The following CTNNA3 variants were observed in gnomAD, a reference collection of about 807,000 sequenced individuals.
The protein encoded by CTNNA3 is catenin alpha 3.
Under a neutral mutation model 95.7 loss-of-function variants are expected in CTNNA3, and 76 were observed. That is an observed-to-expected ratio of 0.79 (90% CI 0.66 to 0.96). The LOEUF (loss-of-function observed/expected upper bound fraction) is 0.96, where lower values mean the gene tolerates loss of function less well. Among genes scored for constraint, CTNNA3 ranks in the 40% least tolerant of loss-of-function variants. CTNNA3 has a pLI of 0.00. For synonymous variants in CTNNA3, 431 were observed against 374.4 expected (o/e 1.15, Z -1.74); for missense variants, 1,191 against 1,089.8 (o/e 1.09, Z -1.31).
intron 11 of CTNNA3, among the ~76,000 whole-genome samples, chr10:66,490,038 G>A (rs990037614): frequency 1.3e-5 from 2 of 152,228 alleles, no homozygotes; most frequent in South Asian, 2.1e-4. Flanking sequence ...AGTTTCTATC[G>A]AGTGGGAATT....
At chr10:66,652,295 A>C (rs1450798426) in intron 9 of CTNNA3, among the ~76,000 whole-genome samples, 13 of 152,128 alleles carry the variant, frequency 8.5e-5, no homozygotes, top group Non-Finnish European at 1.9e-4. Context: ...AAATAACATT[A>C]TGAATGAAGG....
chr10:67,225,274 G>A lies in CTNNA3; in HGVS notation c.580-5404C>T, dbSNP rs117426031. On this transcript the variant is annotated intron_variant, in intron 5 of 17. Transcript: ENST00000433211. ...CGCCTAGCTCTGTCCCTATTTGATG[G>A]TCCTTCCCTATCCACCCTGGTAGCT... Among the ~76,000 whole-genome samples the A allele has an allele frequency of 1.9e-3, 293 of 152,256 alleles. 1 individual carries two copies. Among genetic ancestry groups the A allele is most frequent in the Non-Finnish European group, 3.4e-3 (231 of 68,020 alleles).
chr10:66,224,293 AC>A (rs2089141306), intron 13 of CTNNA3, among the ~76,000 whole-genome samples: 1 of 152,178 alleles, frequency 6.6e-6, no homozygotes. Flanking sequence ...GAGAACTCTG[AC>A]TAATACAAGT....
intron 7 of CTNNA3, among the ~76,000 whole-genome samples, chr10:66,950,498 A>C (rs1848486810): frequency 6.6e-6 from 1 of 152,102 alleles, no homozygotes; most frequent in Admixed American, 6.6e-5. Context: ...TAGTATATTA[A>C]ACAAAAGATC....
chr10:66,650,283 T>C (rs1315858931), intron 9 of CTNNA3, among the ~76,000 whole-genome samples: 1 of 152,158 alleles, frequency 6.6e-6, no homozygotes, highest in East Asian at 1.9e-4. Context: ...AAAACAAGTC[T>C]TAACAAATTT....
At chr10:67,024,598 A>G (rs1157937379) in intron 7 of CTNNA3, among the ~76,000 whole-genome samples, 2 of 152,192 alleles carry the variant, frequency 1.3e-5, no homozygotes, top group Non-Finnish European at 2.9e-5. Flanking sequence ...TCATTTTCCT[A>G]ACTTTGAAAG....
At chr10:66,353,453 A>G (rs975429524) in intron 12 of CTNNA3, among the ~76,000 whole-genome samples, 2 of 152,178 alleles carry the variant, frequency 1.3e-5, no homozygotes, top group African/African-American at 4.8e-5. Flanking sequence ...GTTGGTATGC[A>G]CAAAAATAAA....
At chr10:66,248,168 T>A (rs1010389680) in intron 13 of CTNNA3, among the ~76,000 whole-genome samples, 1 of 152,092 alleles carries the variant, frequency 6.6e-6, no homozygotes, top group African/African-American at 2.4e-5. Flanking sequence ...CAACTTTAAG[T>A]TGTCATTAGT....
rs77163345 is a variant in CTNNA3 at position 66,419,489 on chromosome 10, C to T, written c.1532-40137G>A. On this transcript the variant is annotated intron_variant, in intron 11 of 17. Transcript: ENST00000433211. ...CCATAAACAACCTAAAGACTCAATG[C>T]AATCCCTATGAAGACACTAATGCCA... 6.5e-4 allele frequency among the ~76,000 whole-genome samples: 99 copies of T among 152,170 alleles called. 1 individual carries two copies. The East Asian group carries it at 0.018, about 28-fold the overall frequency.
At chr10:66,795,911 G>T (rs1051798490) in intron 7 of CTNNA3, among the ~76,000 whole-genome samples, 2 of 152,106 alleles carry the variant, frequency 1.3e-5, no homozygotes, top group Non-Finnish European at 2.9e-5. Context: ...TTCTTCCGCA[G>T]CATCCTCACA....
intron 7 of CTNNA3, among the ~76,000 whole-genome samples, chr10:67,131,365 G>A (rs1157227349): frequency 6.6e-6 from 1 of 151,940 alleles, no homozygotes; most frequent in Non-Finnish European, 1.5e-5. Flanking sequence ...GGATTGTTTT[G>A]GTTATCAAGC....
At chr10:67,237,307 C>T (rs1456405016) in intron 5 of CTNNA3, among the ~76,000 whole-genome samples, 3 of 150,952 alleles carry the variant, frequency 2.0e-5, no homozygotes, top group Admixed American at 6.6e-5. Context: ...CATGTGTTCT[C>T]ACTGATATGT....
intron 12 of CTNNA3, among the ~76,000 whole-genome samples, chr10:66,366,867 G>T (rs1274926694): frequency 6.6e-6 from 1 of 152,134 alleles, no homozygotes; most frequent in African/African-American, 2.4e-5. Flanking sequence ...ATCTTTGTGT[G>T]TGTGTGTTCT....
chr10:65,917,751 G>T lies in CTNNA3; in HGVS notation c.*2579C>A, dbSNP rs1350604527. On this transcript the variant is annotated 3_prime_UTR_variant, in exon 18 of 18. Transcript: ENST00000433211. Reference sequence around the variant, plus strand: ...TATCACTCTCATTAAGAAATTTCTGGCAATCCTCTGCAGAAGAAATACCTA... The same window carrying T: ...TATCACTCTCATTAAGAAATTTCTGTCAATCCTCTGCAGAAGAAATACCTA... 6.6e-6 allele frequency: 1 copy of T among 152,072 alleles called. No homozygotes were observed. The highest frequency in any genetic ancestry group is 2.4e-5 in the African/African-American group (1 of 41,390). The allele number at this position is 152,072 out of a possible 1,614,324, so 9.4% of individuals were successfully genotyped here.
intron 13 of CTNNA3, among the ~76,000 whole-genome samples, chr10:66,173,494 G>A (rs115028716): frequency 0.01 from 1,523 of 152,060 alleles, 33 homozygotes; most frequent in African/African-American, 0.035. Context: ...AGACCAGCCT[G>A]GGCAAGATAA....
chr10:66,641,546 T>C (rs1845517142), intron 9 of CTNNA3, among the ~76,000 whole-genome samples: 1 of 152,194 alleles, frequency 6.6e-6, no homozygotes, highest in African/African-American at 2.4e-5. Context: ...AACAGCTGTG[T>C]GTTATCTTTG....
chr10:65,996,428 C>G (rs1438344598), intron 15 of CTNNA3, among the ~76,000 whole-genome samples: 1 of 152,132 alleles, frequency 6.6e-6, no homozygotes, highest in Non-Finnish European at 1.5e-5. Flanking sequence ...TCTCATGCCA[C>G]TGCAGTCCTG....
Position 66,520,679 on chromosome 10 carries a change from A to C in CTNNA3, c.1469T>G (p.Ile490Arg), listed in dbSNP as rs764978430. 1.4e-5 allele frequency: 22 copies of C among 1,612,016 alleles called. No individual in the cohort carries two copies. In the Middle Eastern group the frequency reaches 4.9e-4, roughly 36 times the overall value. ...ATCTACGGCTTCAGTGAGGACATGT[A>C]TATGATTCTCCCATGTACGCTTGTA... ...EMYKRTWENH[I>R]HVLTEAVDDI... is the part of the protein sequence containing the mutation. The change falls in exon 11 of 18, where the codon ATA (isoleucine) becomes AGA (arginine). Residue 490 changes from isoleucine (I) to arginine (R), a missense_variant. Physicochemically the swap from Ile to Arg is moderately conservative, Grantham distance 97. Transcript: ENST00000433211.
At chr10:66,320,649 T>C (rs1276110766) in intron 12 of CTNNA3, among the ~76,000 whole-genome samples, 1 of 152,112 alleles carries the variant, frequency 6.6e-6, no homozygotes, top group African/African-American at 2.4e-5. Flanking sequence ...GCCTGAGACA[T>C]TCTGTTCCTG....
Sources: gnomAD v4.1 joint callset for allele counts (sites outside exome capture counted in the v4.1 genomes callset) on GRCh38, gnomAD v4.1.1 for gene constraint, MANE v1.5 for transcripts, NCBI Gene and HGNC (gene_info 2026-07-23, HGNC 2026-07-21) for gene names.